ARFIP1: variants seen among roughly 807,000 people sequenced by gnomAD.
The protein encoded by ARFIP1 is arfaptin-1.
ARFIP1 carries 24 observed loss-of-function variants against 42.5 expected under a neutral mutation model. The observed-to-expected ratio is 0.57, with a 90% CI of 0.41 to 0.80. The LOEUF is 0.80. Ranked by LOEUF, ARFIP1 falls within the 30% of genes least tolerant of loss-of-function variation. The probability of loss-of-function intolerance (pLI) is 0.00; values close to 1 mark genes in which losing one functional copy is unlikely to be tolerated. For missense variants in ARFIP1, 354 were observed against 434.0 expected (o/e 0.82, Z 1.64); for synonymous variants, 141 against 153.7 (o/e 0.92, Z 0.61).
At position 152,881,066 on chromosome 4, in the gene ARFIP1, A is replaced by T; in HGVS notation, c.515A>T (p.Tyr172Phe). The change falls in exon 6 of 9, where the codon TAT (tyrosine) becomes TTT (phenylalanine). Residue 172 changes from tyrosine (Y) to phenylalanine (F), a missense_variant. Coordinates refer to ENST00000353617, the MANE Select transcript of ARFIP1 (RefSeq NM_001025595.3). The part of the protein sequence containing the change: ...IDILRDNKKK[Y>F]ENILKLAQTL... Reference sequence around the variant, plus strand: ...ATATTAAGGGATAACAAGAAAAAATATGAAAATATTTTAAAACTGGCTCAA... The same window carrying T: ...ATATTAAGGGATAACAAGAAAAAATTTGAAAATATTTTAAAACTGGCTCAA... 1 of 1,613,882 alleles carries T rather than the reference A, an allele frequency of 6.2e-7. No individual in the cohort carries two copies. Among genetic ancestry groups the T allele is most frequent in the Non-Finnish European group, 8.5e-7 (1 of 1,179,794 alleles).
At chr4:152,836,282 AC>A (rs1168555536) in intron 2 of ARFIP1, among the ~76,000 whole-genome samples, 1 of 152,114 alleles carries the variant, frequency 6.6e-6, no homozygotes, top group Non-Finnish European at 1.5e-5. Context: ...AAGTATTCTC[AC>A]CCACACATAC....
At chr4:152,871,340 C>T (rs1004903863) in intron 4 of ARFIP1, among the ~76,000 whole-genome samples, 1 of 152,138 alleles carries the variant, frequency 6.6e-6, no homozygotes, top group Non-Finnish European at 1.5e-5. Context: ...CAGTTATACC[C>T]AATGAAAAAT....
At chr4:152,807,606 T>G (rs927657514) in intron 1 of ARFIP1, among the ~76,000 whole-genome samples, 33 of 152,342 alleles carry the variant, frequency 2.2e-4, no homozygotes, top group Non-Finnish European at 4.4e-5. Flanking sequence ...TTTTCATTTG[T>G]GTTTTCTTGC....
chr4:152,793,865 C>T (rs771149716), intron 1 of ARFIP1, among the ~76,000 whole-genome samples: 2 of 152,132 alleles, frequency 1.3e-5, no homozygotes, highest in African/African-American at 2.4e-5. Flanking sequence ...ACAGCAAAAA[C>T]GAACTGCCTG....
Position 152,888,035 on chromosome 4 carries a change from T to C in ARFIP1, c.792-98T>C, listed in dbSNP as rs574159846. ...ATGTGTGAGAATTTTATATATTTTA[T>C]TGTATAGTATGAGACTGAATATTAC... is the stretch of plus-strand genomic sequence containing the variant. On this transcript the variant is annotated intron_variant, in intron 7 of 8. Transcript: ENST00000353617. The C allele has an allele frequency of 6.0e-4, 470 of 786,694 alleles. 7 individuals are homozygous for C. Among genetic ancestry groups the C allele is most frequent in the Admixed American group, 1.0e-3 (34 of 33,014 alleles). 48.7% of individuals were successfully genotyped at this position (786,694 alleles called of 1,614,324 possible).
chr4:152,891,426 TAGA>T (rs1736840760), intron 8 of ARFIP1, among the ~76,000 whole-genome samples: 1 of 152,244 alleles, frequency 6.6e-6, no homozygotes, highest in African/African-American at 2.4e-5. Context: ...AATTGTCATT[TAGA>T]AGAAGACAGA....
intron 2 of ARFIP1, among the ~76,000 whole-genome samples, chr4:152,838,544 T>A (rs1731832228): frequency 6.6e-6 from 1 of 152,164 alleles, no homozygotes; most frequent in Non-Finnish European, 1.5e-5. Context: ...TTGCAGCTAT[T>A]GTAAAAGGGG....
Position 152,904,196 on chromosome 4 carries a change from A to T in ARFIP1, c.967-5868A>T, listed in dbSNP as rs1462516734. 2.3e-3 allele frequency among the ~76,000 whole-genome samples: 202 copies of T among 88,016 alleles called. 3 individuals carry two copies. Among genetic ancestry groups the T allele is most frequent in the East Asian group, 0.019 (55 of 2,936 alleles). 57.7% of individuals were successfully genotyped at this position (88,016 alleles called of 152,430 possible). The stretch of plus-strand genomic sequence containing the variant: ...TGTGTGTGTGTATATATATATATAT[A>T]TATTTTTTTTTTTTTAACGGAGTCT... On this transcript the variant is annotated intron_variant, in intron 8 of 8. Coordinates refer to ENST00000353617, the MANE Select transcript of ARFIP1 (RefSeq NM_001025595.3).
intron 1 of ARFIP1, among the ~76,000 whole-genome samples, chr4:152,784,208 AT>A (rs926455669): frequency 2.0e-5 from 3 of 152,368 alleles, no homozygotes; most frequent in African/African-American, 7.2e-5. Flanking sequence ...AAAGTCAGAT[AT>A]GTAGCACTAC....
rs1025260110 is a variant in ARFIP1 at position 152,850,167 on chromosome 4, A to C, written c.94-13439A>C. Among the ~76,000 whole-genome samples, 3 of 152,194 alleles carry C rather than the reference A, an allele frequency of 2.0e-5. No individual in the cohort carries two copies. The South Asian group carries it at 6.2e-4, about 32-fold the overall frequency. On this transcript the variant is annotated intron_variant, in intron 2 of 8. Coordinates refer to ENST00000353617, the MANE Select transcript of ARFIP1 (RefSeq NM_001025595.3). ...AGGCAGGCTCATGGAACAGATTTTAAGTGTTTTACAATTTATATTTTAAAA... is the reference window on the plus strand; with the variant it reads ...AGGCAGGCTCATGGAACAGATTTTACGTGTTTTACAATTTATATTTTAAAA...
At chr4:152,873,768 A>G (rs1282546925) in intron 5 of ARFIP1, among the ~76,000 whole-genome samples, 2 of 152,170 alleles carry the variant, frequency 1.3e-5, no homozygotes, top group East Asian at 3.9e-4. Context: ...CGCTAAGACT[A>G]CATGTTCGAC....
chr4:152,898,908 G>A (rs535008120), intron 8 of ARFIP1, among the ~76,000 whole-genome samples: 2 of 152,306 alleles, frequency 1.3e-5, no homozygotes, highest in East Asian at 3.9e-4. Context: ...GAAAAGAAGA[G>A]TAATTGTTTT....
intron 5 of ARFIP1, among the ~76,000 whole-genome samples, chr4:152,879,400 A>G (rs1735639987): frequency 6.6e-6 from 1 of 152,202 alleles, no homozygotes; most frequent in Admixed American, 6.5e-5. Context: ...AAAGTCTAGT[A>G]TACCTATCAG....
chr4:152,835,805 G>A (rs953007593), intron 2 of ARFIP1, among the ~76,000 whole-genome samples: 2 of 152,218 alleles, frequency 1.3e-5, no homozygotes, highest in African/African-American at 4.8e-5. Flanking sequence ...TCTGCAGGCA[G>A]TAAAGGAAGC....
chr4:152,843,331 G>A (rs1018852468), intron 2 of ARFIP1, among the ~76,000 whole-genome samples: 3 of 152,156 alleles, frequency 2.0e-5, no homozygotes, highest in African/African-American at 7.2e-5. Flanking sequence ...GGCAGAGGGT[G>A]CAATGGACTC....
At chr4:152,792,366 GTTTTA>G (rs550654830) in intron 1 of ARFIP1, among the ~76,000 whole-genome samples, 299 of 152,216 alleles carry the variant, frequency 2.0e-3, no homozygotes, top group African/African-American at 6.8e-3. Flanking sequence ...TATGTGTGTT[GTTTTA>G]TTCAAGTGAA....
intron 8 of ARFIP1, among the ~76,000 whole-genome samples, chr4:152,905,265 A>G (rs7689454): frequency 0.039 from 5,914 of 152,236 alleles, 375 homozygotes; most frequent in African/African-American, 0.13. Flanking sequence ...GAAACTGACA[A>G]ACTTTTCTAA....
intron 1 of ARFIP1, among the ~76,000 whole-genome samples, chr4:152,827,609 C>T (rs1051303642): frequency 3.9e-5 from 6 of 152,172 alleles, no homozygotes; most frequent in Admixed American, 3.9e-4. Flanking sequence ...TTTTTACTGC[C>T]TCTATAGTTT....
At chr4:152,832,022 C>T (rs1410156700) in intron 2 of ARFIP1, among the ~76,000 whole-genome samples, 1 of 151,780 alleles carries the variant, frequency 6.6e-6, no homozygotes, top group East Asian at 1.9e-4. Flanking sequence ...CATTCTTCAG[C>T]TGATTGTTAT....
Sources: allele counts gnomAD v4.1 joint callset (sites outside exome capture counted in the v4.1 genomes callset), GRCh38; gene constraint gnomAD v4.1.1; transcripts MANE v1.5; gene names NCBI Gene and HGNC (gene_info 2026-07-23, HGNC 2026-07-21).